Variants in GPHN observed in about 807,000 individuals in gnomAD.
GPHN encodes the protein gephyrin.
A neutral mutation model predicts 95.5 loss-of-function variants in GPHN; 17 were observed. The ratio of observed to expected loss-of-function variants is 0.18; its 90% CI spans 0.12 to 0.27. The LOEUF (loss-of-function observed/expected upper bound fraction) is 0.27, where lower values mean the gene tolerates loss of function less well. GPHN is among the 10% of genes least tolerant of loss of function. GPHN has a pLI of 1.00. For synonymous variants in GPHN, 320 were observed against 322.5 expected (o/e 0.99, Z 0.08); for missense variants, 660 against 978.1 (o/e 0.67, Z 4.34).
At chr14:67,346,976 C>T in the GPHN span, among the ~76,000 whole-genome samples, 1 of 152,194 alleles carries the variant, frequency 6.6e-6, no homozygotes, top group East Asian at 1.9e-4. Context: ...TGTTTTATGA[C>T]TTCCTAGCAT....
chr14:67,205,173 T>A, the GPHN span: 1 of 1,348,810 alleles, frequency 7.4e-7, no homozygotes, highest in Non-Finnish European at 9.9e-7. Context: ...TAGCTGACAT[T>A]GATTATCAAA....
At chr14:66,571,978 T>C (rs1196238445) in intron 1 of GPHN, among the ~76,000 whole-genome samples, 1 of 152,250 alleles carries the variant, frequency 6.6e-6, no homozygotes, top group Non-Finnish European at 1.5e-5. Context: ...CCAGATTTAT[T>C]CTACTGCATG....
chr14:66,779,643 C>T (rs1393638400), intron 3 of GPHN, among the ~76,000 whole-genome samples: 1 of 152,032 alleles, frequency 6.6e-6, no homozygotes, highest in Non-Finnish European at 1.5e-5. Flanking sequence ...TCAGCAAAGT[C>T]TTTCCAAGAG....
intron 2 of GPHN, among the ~76,000 whole-genome samples, chr14:66,687,310 A>G (rs1458844095): frequency 1.3e-5 from 2 of 152,120 alleles, no homozygotes; most frequent in Non-Finnish European, 2.9e-5. Flanking sequence ...CTTTTTGCTC[A>G]GGATTGCTTT....
At chr14:66,896,718 G>A (rs538200838) in intron 5 of GPHN, among the ~76,000 whole-genome samples, 16 of 151,952 alleles carry the variant, frequency 1.1e-4, no homozygotes, top group South Asian at 2.1e-4. Context: ...AAGGATGGAC[G>A]GAGTATACAA....
chr14:67,301,401 T>G, the GPHN span: 2 of 1,609,502 alleles, frequency 1.2e-6, no homozygotes, highest in Middle Eastern at 1.7e-4. Context: ...ACAAACTGTT[T>G]TGAAGCCAGT....
At chr14:66,860,480 A>G (rs1028988380) in intron 4 of GPHN, among the ~76,000 whole-genome samples, 1 of 152,098 alleles carries the variant, frequency 6.6e-6, no homozygotes, top group Non-Finnish European at 1.5e-5. Context: ...TCCTACAAGA[A>G]ATACTAAAGG....
chr14:66,799,279 T>C lies in GPHN; in HGVS notation c.201+22758T>C, dbSNP rs560621016. The stretch of plus-strand genomic sequence containing the variant: ...ATGTTCCATGTGCTAAGGAGAGGAA[T>C]GTGTACTCTGCAGCCATTGTGTGAA... On this transcript the variant is annotated intron_variant, in intron 3 of 22. Transcript: ENST00000478722. Among the ~76,000 whole-genome samples the C allele has an allele frequency of 5.3e-5, 8 of 152,152 alleles. No individual in the cohort carries two copies. The Middle Eastern group carries it at 0.017, about 323-fold the overall frequency.
the GPHN span, among the ~76,000 whole-genome samples, chr14:67,514,293 G>A: frequency 5.3e-5 from 8 of 152,262 alleles, no homozygotes; most frequent in East Asian, 1.9e-4. Context: ...AAAGGGGTCC[G>A]TTTCTGACTG....
chr14:67,291,075 G>A, the GPHN span, among the ~76,000 whole-genome samples: 19 of 152,246 alleles, frequency 1.2e-4, no homozygotes, highest in African/African-American at 4.3e-4. Flanking sequence ...AAGCAGGGGG[G>A]TCGGAGTTGA....
At chr14:67,581,993 G>C in the GPHN span, 1 of 1,425,072 alleles carries the variant, frequency 7.0e-7, no homozygotes, top group African/African-American at 1.4e-5. Flanking sequence ...GGAAATAAAG[G>C]TAACAGACCC....
the GPHN span, among the ~76,000 whole-genome samples, chr14:67,340,886 G>A: frequency 3.3e-5 from 5 of 152,336 alleles, no homozygotes; most frequent in Non-Finnish European, 7.3e-5. Flanking sequence ...GTGTTGGCCA[G>A]GCTGGTCTCC....
At chr14:67,411,841 G>A in the GPHN span, among the ~76,000 whole-genome samples, 1 of 152,304 alleles carries the variant, frequency 6.6e-6, no homozygotes, top group South Asian at 2.1e-4. Flanking sequence ...CTTACCCCGC[G>A]TCCCCTCGGA....
chr14:67,692,530 T>C, the GPHN span: 1 of 1,612,294 alleles, frequency 6.2e-7, no homozygotes, highest in Non-Finnish European at 8.5e-7. Context: ...TGTCGTGGTC[T>C]GGATCTCTTT....
intron 18 of GPHN, among the ~76,000 whole-genome samples, chr14:67,149,173 G>A (rs1204406650): frequency 2.6e-5 from 4 of 151,458 alleles, no homozygotes; most frequent in African/African-American, 4.8e-5. Context: ...GTGAAACCCC[G>A]TCTCTACTAA....
In GPHN at chr14:66,621,929, C is replaced by T. The variant is rs563959101; in HGVS notation, c.65-59178C>T. 7.9e-5 allele frequency among the ~76,000 whole-genome samples: 12 copies of T among 152,232 alleles called. No individual in the cohort carries two copies. In the East Asian group the frequency reaches 2.1e-3, roughly 27 times the overall value. Reference sequence around the variant, plus strand: ...GCACACAGTGCTGTCGGTGGATCTGCCATTATGGGGTCTGGAGGATGGTGG... The same window carrying T: ...GCACACAGTGCTGTCGGTGGATCTGTCATTATGGGGTCTGGAGGATGGTGG... On this transcript the variant is annotated intron_variant, in intron 1 of 22. Transcript: ENST00000478722.
intron 11 of GPHN, among the ~76,000 whole-genome samples, chr14:67,076,810 T>C (rs2076513480): frequency 6.6e-6 from 1 of 152,094 alleles, no homozygotes; most frequent in Non-Finnish European, 1.5e-5. Flanking sequence ...GTAGTATGTT[T>C]TCCTTTCAGC....
At chr14:67,658,669 G>A in the GPHN span, among the ~76,000 whole-genome samples, 2 of 152,180 alleles carry the variant, frequency 1.3e-5, no homozygotes, top group East Asian at 3.9e-4. Flanking sequence ...CCCAACTTTG[G>A]CAACATGACT....
chr14:66,794,897 C>T (rs555968413), intron 3 of GPHN, among the ~76,000 whole-genome samples: 2 of 152,182 alleles, frequency 1.3e-5, no homozygotes, highest in Non-Finnish European at 2.9e-5. Context: ...AAATATCTAA[C>T]CACTTTTTAT....
Sources: gnomAD v4.1 joint callset for allele counts (sites outside exome capture counted in the v4.1 genomes callset) on GRCh38, gnomAD v4.1.1 for gene constraint, MANE v1.5 for transcripts, NCBI Gene and HGNC (gene_info 2026-07-23, HGNC 2026-07-21) for gene names.